The following TFAP2B variants were observed in gnomAD, a reference collection of about 807,000 sequenced individuals.
The protein encoded by TFAP2B is transcription factor AP-2 beta.
In TFAP2B, 9 loss-of-function variants were observed where a neutral mutation model predicts 44.3. That is an observed-to-expected ratio of 0.20 (90% CI 0.12 to 0.35). The LOEUF (loss-of-function observed/expected upper bound fraction) is 0.35. Among genes scored for constraint, TFAP2B ranks in the 10% least tolerant of loss-of-function variants. TFAP2B has a pLI of 1.00. For missense variants in TFAP2B, 509 were observed against 600.0 expected, an observed-to-expected ratio of 0.85 and a Z score of 1.59; for synonymous variants, 270 against 263.8, an observed-to-expected ratio of 1.02 and a Z score of -0.23.
At chr6:50,834,226 A>G (rs891192901) in intron 3 of TFAP2B, among the ~76,000 whole-genome samples, 6 of 152,208 alleles carry the variant, frequency 3.9e-5, no homozygotes, top group Non-Finnish European at 8.8e-5. Context: ...TCAACTTTTC[A>G]TTGATTCATT....
chr6:50,843,634 A>C lies in TFAP2B; in HGVS notation c.*242A>C. The C allele has an allele frequency of 2.0e-6, 1 of 489,248 alleles. No homozygotes were observed. The highest frequency in any genetic ancestry group is 3.6e-5 in the East Asian group (1 of 27,792). The allele number at this position is 489,248 out of a possible 1,614,324, so 30.3% of individuals were successfully genotyped here. A position where few individuals can be genotyped will look rare whatever the true frequency, so the allele number is the denominator to read the frequency against. ...GATACATTTGGAGACAACCGTCCGG[A>C]TTTTCCACTTCGGTTCTTTCGAGTT... On this transcript the variant is annotated 3_prime_UTR_variant, in exon 7 of 7. Transcript: ENST00000393655.
At chr6:50,827,851 T>A (rs1198485685) in intron 2 of TFAP2B, among the ~76,000 whole-genome samples, 1 of 152,232 alleles carries the variant, frequency 6.6e-6, no homozygotes, top group Non-Finnish European at 1.5e-5. Flanking sequence ...ACTTTCCTTC[T>A]CTGGAATGAA....
At chr6:50,820,913 G>C (rs1770324741) in intron 1 of TFAP2B, among the ~76,000 whole-genome samples, 2 of 151,346 alleles carry the variant, frequency 1.3e-5, no homozygotes, top group African/African-American at 4.9e-5. Flanking sequence ...GGAAGGGAGG[G>C]AAGAGAGAAG....
chr6:50,822,510 CCACCTCCCTCATATACA>C (rs1382915365), intron 1 of TFAP2B, among the ~76,000 whole-genome samples: 2 of 152,098 alleles, frequency 1.3e-5, no homozygotes, highest in African/African-American at 4.8e-5. Context: ...GAAACAAAGT[CCACCTCCCTCATATACA>C]CACCTCCCCC....
At chr6:50,822,083 T>G in intron 1 of TFAP2B, 1 of 1,293,612 alleles carries the variant, frequency 7.7e-7, no homozygotes, top group Non-Finnish European at 1.0e-6. Flanking sequence ...TCCTTGATTT[T>G]TTTTTTAATC....
intron 6 of TFAP2B, among the ~76,000 whole-genome samples, chr6:50,841,440 T>TGTG (rs1554164986): frequency 6.6e-6 from 1 of 151,606 alleles, no homozygotes. Context: ...GGTGTGTGTG[T>TGTG]GGGGGGGATC....
At chr6:50,829,559 C>T (rs546728697) in intron 3 of TFAP2B, among the ~76,000 whole-genome samples, 30 of 152,282 alleles carry the variant, frequency 2.0e-4, no homozygotes, top group East Asian at 3.9e-4. Flanking sequence ...CAGGAACTGG[C>T]ATTTGACGAT....
intron 2 of TFAP2B, among the ~76,000 whole-genome samples, chr6:50,826,574 C>T (rs781451750): frequency 2.1e-5 from 3 of 142,446 alleles, no homozygotes; most frequent in Non-Finnish European, 4.6e-5. Context: ...TGAGCGCGCG[C>T]GCGCGCGCGC....
At chr6:50,825,718 T>C (rs553606619) in intron 2 of TFAP2B, among the ~76,000 whole-genome samples, 1 of 151,864 alleles carries the variant, frequency 6.6e-6, no homozygotes, top group South Asian at 2.1e-4. Flanking sequence ...ACCACAGAGG[T>C]AGAGAGCTGA....
At chr6:50,824,536 A>G (rs1467121474) in intron 2 of TFAP2B, among the ~76,000 whole-genome samples, 1 of 152,208 alleles carries the variant, frequency 6.6e-6, no homozygotes, top group African/African-American at 2.4e-5. Context: ...GGAGTCCATG[A>G]TGGTAGATAC....
At position 50,844,603 on chromosome 6, in the gene TFAP2B, CTCAACACTCCAATTCCGGTGGAGG is replaced by C. The variant is rs1264395270; in HGVS notation, c.*1213_*1236del. ...GCTTTGAATCTACATGCTAACATTC[CTCAACACTCCAATTCCGGTGGAGG>C]TGGCAGGGGAGGGGGTCTGCAAAAT... On this transcript the variant is annotated 3_prime_UTR_variant, in exon 7 of 7. Transcript: ENST00000393655. 2 of 152,646 alleles carry C rather than the reference CTCAACACTCCAATTCCGGTGGAGG, an allele frequency of 1.3e-5. No homozygotes were observed. Among genetic ancestry groups the C allele is most frequent in the African/African-American group, 4.8e-5 (2 of 41,438 alleles). 9.5% of individuals were successfully genotyped at this position (152,646 alleles called of 1,614,324 possible).
chr6:50,831,992 T>C (rs1001346652), intron 3 of TFAP2B, among the ~76,000 whole-genome samples: 2 of 152,216 alleles, frequency 1.3e-5, no homozygotes, highest in Non-Finnish European at 2.9e-5. Context: ...ATAAACACTT[T>C]GACTGGTGTG....
chr6:50,835,627 C>T (rs146896803), intron 3 of TFAP2B, among the ~76,000 whole-genome samples: 161 of 152,270 alleles, frequency 1.1e-3, no homozygotes, highest in Non-Finnish European at 1.8e-3. Flanking sequence ...TGATAATCAC[C>T]GTCAGGCTTC....
chr6:50,826,572 C>CGT (rs1261477472), intron 2 of TFAP2B, among the ~76,000 whole-genome samples: 2 of 141,260 alleles, frequency 1.4e-5, no homozygotes, highest in African/African-American at 5.4e-5. Flanking sequence ...CATGAGCGCG[C>CGT]GCGCGCGCGC....
chr6:50,823,674 G>A lies in TFAP2B; in HGVS notation c.349G>A (p.Glu117Lys). The A allele has an allele frequency of 6.2e-7, 1 of 1,613,894 alleles. No homozygotes were observed. The highest frequency in any genetic ancestry group is 8.5e-7 in the Non-Finnish European group (1 of 1,179,902). Residue 117 changes from glutamate (E) to lysine (K), a missense_variant, in exon 2 of 7, where the codon GAA (glutamate) becomes AAA (lysine). This residue lies in a region of TFAP2B where 296 missense variants were observed against 308.2 expected (regional missense o/e 0.96). Transcript: ENST00000393655. ...ACGGCAGCGGCAAGAAGTGGGTTCG[G>A]AAGCCGGCTCTCTCCTGCCCCAGCC... Reference protein sequence around the residue: ...GQRQRQEVGSEAGSLLPQPRA... With the variant: ...GQRQRQEVGSKAGSLLPQPRA...
chr6:50,845,897 G>GC lies in TFAP2B; in HGVS notation c.*2509dup, dbSNP rs1007516510. 6.6e-6 allele frequency: 1 copy of GC among 152,646 alleles called. No individual in the cohort carries two copies. Among genetic ancestry groups the GC allele is most frequent in the Non-Finnish European group, 1.5e-5 (1 of 68,042 alleles). The allele number at this position is 152,646 out of a possible 1,614,324, so 9.5% of individuals were successfully genotyped here. ...CCTAAGGGCTAAGGCGACCGAGAAA[G>GC]CCCCATTCTCCAGTAGGTAATGGGG... On this transcript the variant is annotated 3_prime_UTR_variant, in exon 7 of 7. Coordinates refer to ENST00000393655, the MANE Select transcript of TFAP2B (RefSeq NM_003221.4).
chr6:50,843,615 T>G lies in TFAP2B; in HGVS notation c.*223T>G, dbSNP rs895842735. The stretch of plus-strand genomic sequence containing the variant: ...TTCTCAGTGTCTATTTCAAGATACA[T>G]TTGGAGACAACCGTCCGGATTTTCC... On this transcript the variant is annotated 3_prime_UTR_variant, in exon 7 of 7. Transcript: ENST00000393655. The G allele has an allele frequency of 2.6e-5, 14 of 540,978 alleles. No homozygotes were observed. Among genetic ancestry groups the G allele is most frequent in the African/African-American group, 5.7e-5 (3 of 52,232 alleles). 33.5% of individuals were successfully genotyped at this position (540,978 alleles called of 1,614,324 possible).
intron 1 of TFAP2B, among the ~76,000 whole-genome samples, chr6:50,822,698 A>G (rs568749266): frequency 6.6e-6 from 1 of 152,154 alleles, no homozygotes; most frequent in African/African-American, 2.4e-5. Flanking sequence ...ATGAACCACA[A>G]CTCAACTTAA....
At chr6:50,826,521 C>A (rs1770510105) in intron 2 of TFAP2B, among the ~76,000 whole-genome samples, 1 of 152,006 alleles carries the variant, frequency 6.6e-6, no homozygotes, top group South Asian at 2.1e-4. Flanking sequence ...ACTAGCAAAT[C>A]GCTGTTTGGG....
Sources: allele counts gnomAD v4.1 joint callset (sites outside exome capture counted in the v4.1 genomes callset), GRCh38; gene constraint gnomAD v4.1.1; regional missense constraint gnomAD v4.1.1; transcripts MANE v1.5; gene names NCBI Gene and HGNC (gene_info 2026-07-23, HGNC 2026-07-21).